The following OLFM1 variants were observed in gnomAD, a reference collection of about 807,000 sequenced individuals.
OLFM1 encodes noelin.
Under a neutral mutation model 49.7 loss-of-function variants are expected in OLFM1, and 9 were observed. That is an observed-to-expected ratio of 0.18 (90% CI 0.11 to 0.32). OLFM1 has a LOEUF of 0.32. Ranked by LOEUF, OLFM1 falls within the 10% of genes least tolerant of loss-of-function variation. The pLI is 1.00. For missense variants in OLFM1, 369 were observed against 661.8 expected, an observed-to-expected ratio of 0.56 and a Z score of 4.85; for synonymous variants, 240 against 271.8, an observed-to-expected ratio of 0.88 and a Z score of 1.15.
At position 135,119,864 on chromosome 9, in the gene OLFM1, C is replaced by T. The variant is rs751979513; in HGVS notation, c.1144C>T (p.Leu382=). The part of the protein sequence containing the change: ...QNAGNIVVSR[L]DPVSLQTLQT... The stretch of plus-strand genomic sequence containing the variant: ...CGCTGGCAACATCGTGGTCAGTAGG[C>T]TGGACCCCGTGTCCCTGCAGACCCT... Residue 382 remains leucine (L), a synonymous_variant, in exon 6 of 6, where the codon CTG becomes TTG. Transcript: ENST00000371793. 9.3e-6 allele frequency: 15 copies of T among 1,613,558 alleles called. No homozygotes were observed. Among genetic ancestry groups the T allele is most frequent in the East Asian group, 2.2e-5 (1 of 44,880 alleles).
At chr9:135,085,424 GT>G (rs1377807017), upstream of OLFM1, among the ~76,000 whole-genome samples, 2 of 152,266 alleles carry the variant, frequency 1.3e-5, no homozygotes, top group Non-Finnish European at 2.9e-5. Context: ...GAAATAGGCT[GT>G]CACCATATGA....
chr9:135,088,234 G>A lies in OLFM1; in HGVS notation c.150+95G>A, dbSNP rs2037395188. Reference sequence around the variant, plus strand: ...GCCCCGGGCTGGGCGGGCGCCGCGCGGGACCCGAGTCGCCCAGGGAGGCGG... The same window carrying A: ...GCCCCGGGCTGGGCGGGCGCCGCGCAGGACCCGAGTCGCCCAGGGAGGCGG... On this transcript the variant is annotated intron_variant, in intron 1 of 5. Transcript: ENST00000371793. This position sits in a 1 kb window ranked among gnomAD's most constrained non-coding sequence, Gnocchi z 4.8. The A allele has an allele frequency of 4.3e-5, 49 of 1,145,170 alleles. No homozygotes were observed. Among genetic ancestry groups the A allele is most frequent in the Non-Finnish European group, 5.4e-5 (49 of 914,750 alleles). 70.9% of individuals were successfully genotyped at this position (1,145,170 alleles called of 1,614,324 possible). A position where few individuals can be genotyped will look rare whatever the true frequency, so the allele number is the denominator to read the frequency against.
upstream of OLFM1, among the ~76,000 whole-genome samples, chr9:135,085,590 C>T (rs1320644272): frequency 5.3e-5 from 8 of 152,254 alleles, no homozygotes; most frequent in Non-Finnish European, 8.8e-5. Flanking sequence ...CATCAGCATC[C>T]GTATGATTGT....
intron 2 of OLFM1, among the ~76,000 whole-genome samples, chr9:135,091,691 A>ACACACAGTCTCACACATAGT (rs1554752845): frequency 0.27 from 23,799 of 86,904 alleles, 6,121 homozygotes; most frequent in East Asian, 0.48. Context: ...ATAGTCTCAC[A>ACACACAGTCTCACACATAGT]CACACACAGT....
chr9:135,095,917 C>A lies in OLFM1; in HGVS notation c.354C>A (p.Asp118Glu), dbSNP rs989636146. ...IEVLDRRTQR[D>E]LQYVEKMENQ... ...TCTTGGACAGGCGGACCCAGAGAGA[C>A]TTGCAGTACGTGGAGAAGATGGAGA... Residue 118 changes from aspartate (D) to glutamate (E), a missense_variant, in exon 3 of 6, where the codon GAC becomes GAA. By Grantham distance (45) the Asp-to-Glu change is conservative (BLOSUM62 2). This residue lies in a region of OLFM1 where 294 missense variants were observed against 567.5 expected (regional missense o/e 0.52). Transcript: ENST00000371793. The A allele has an allele frequency of 3.7e-6, 6 of 1,613,124 alleles. No homozygotes were observed. Among genetic ancestry groups the A allele is most frequent in the Admixed American group, 1.7e-5 (1 of 59,970 alleles).
At position 135,098,602 on chromosome 9, in the gene OLFM1, G is replaced by A; in HGVS notation, c.676+97G>A. 9.1e-7 allele frequency: 1 copy of A among 1,101,248 alleles called. No homozygotes were observed. Among genetic ancestry groups the A allele is most frequent in the African/African-American group, 1.5e-5 (1 of 64,552 alleles). 68.2% of individuals were successfully genotyped at this position (1,101,248 alleles called of 1,614,324 possible). ...GTGCTGAAGTGGACAGCGCCCGCCT[G>A]GCTTCGCGAGGTGATGGCTGGATTA... On this transcript the variant is annotated intron_variant, in intron 4 of 5. Transcript: ENST00000371793. The surrounding 1 kb of genome is among the most constrained non-coding windows in gnomAD (Gnocchi z 5.6).
intron 2 of OLFM1, among the ~76,000 whole-genome samples, chr9:135,091,444 TAGTCACACACACACTCACACAC>T (rs1355815787): frequency 2.1e-5 from 3 of 141,380 alleles, no homozygotes; most frequent in African/African-American, 8.7e-5. Flanking sequence ...CACTCACACA[TAGTCACACACACACTCACACAC>T]AGTCACACAC....
Position 135,113,543 on chromosome 9 carries a change from G to A in OLFM1, c.784-5961G>A, listed in dbSNP as rs376465545. Among the ~76,000 whole-genome samples, 329 of 152,310 alleles carry A rather than the reference G, an allele frequency of 2.2e-3. 1 individual carries two copies. The highest frequency in any genetic ancestry group is 3.7e-3 in the Non-Finnish European group (253 of 68,022). The stretch of plus-strand genomic sequence containing the variant: ...ACAGAGAGGGGTGGAAACTCCCCAG[G>A]TCTCGCTGGAGACTGGCGGTGGCTG... On this transcript the variant is annotated intron_variant, in intron 5 of 5. Transcript: ENST00000371793. The surrounding 1 kb of genome is among the most constrained non-coding windows in gnomAD (Gnocchi z 4.0).
rs1273591317 is a variant in OLFM1 at position 135,076,963 on chromosome 9, A to G, written c.96+1161A>G. ...CCCAGGATGTGCAGTCCAAATCCCA[A>G]TCCAGCAGTGGGGTTATGTCGTCCC... On this transcript the variant is annotated intron_variant, in intron 1 of 5. Transcript: ENST00000252854. 8 of 1,550,462 alleles carry G rather than the reference A, an allele frequency of 5.2e-6. No homozygotes were observed. The South Asian group carries it at 8.3e-5, about 16-fold the overall frequency.
chr9:135,114,442 C>T (rs916113831), intron 5 of OLFM1, among the ~76,000 whole-genome samples: 1 of 152,116 alleles, frequency 6.6e-6, no homozygotes, highest in Admixed American at 6.5e-5. Flanking sequence ...CTGCAAAGAC[C>T]TTTTTCCCAA....
intron 4 of OLFM1, among the ~76,000 whole-genome samples, chr9:135,102,987 C>G (rs1044370512): frequency 6.6e-6 from 1 of 152,242 alleles, no homozygotes; most frequent in African/African-American, 2.4e-5. Flanking sequence ...GGCAGATTGT[C>G]TCATCCGCAG....
At position 135,088,258 on chromosome 9, in the gene OLFM1, G is replaced by A; in HGVS notation, c.150+119G>A. On this transcript the variant is annotated intron_variant, in intron 1 of 5. Transcript: ENST00000371793. This position sits in a 1 kb window ranked among gnomAD's most constrained non-coding sequence, Gnocchi z 4.8. ...CGGGACCCGAGTCGCCCAGGGAGGC[G>A]GCGGGGAGCAGGGCGGGCAAGGGCA... 1 of 1,001,646 alleles carries A rather than the reference G, an allele frequency of 1.0e-6. No homozygotes were observed. Among genetic ancestry groups the A allele is most frequent in the Non-Finnish European group, 1.3e-6 (1 of 788,446 alleles). The allele number at this position is 1,001,646 out of a possible 1,614,324, so 62.0% of individuals were successfully genotyped here. A position where few individuals can be genotyped will look rare whatever the true frequency, so the allele number is the denominator to read the frequency against.
intron 5 of OLFM1, among the ~76,000 whole-genome samples, chr9:135,112,249 C>T (rs1232563040): frequency 1.3e-5 from 2 of 152,162 alleles, no homozygotes; most frequent in Admixed American, 6.5e-5. Context: ...CCAGGGGCCA[C>T]CCGCCCTGTG....
intron 2 of OLFM1, 83 bp downstream of exon 2, chr9:135,090,427 C>G: frequency 7.1e-7 from 1 of 1,408,186 alleles, no homozygotes. Flanking sequence ...TGTGCTCACA[C>G]CAGCACCAAG....
At chr9:135,077,213 G>T in intron 1 of OLFM1, 1 of 1,513,408 alleles carries the variant, frequency 6.6e-7, no homozygotes, top group Non-Finnish European at 8.9e-7. Flanking sequence ...AGCCAACCAG[G>T]TCCTGATTAG....
In OLFM1 at chr9:135,087,793, C is replaced by A; in HGVS notation, c.-197C>A. On this transcript the variant is annotated 5_prime_UTR_variant, in exon 1 of 6. Coordinates refer to ENST00000371793, the MANE Select transcript of OLFM1 (RefSeq NM_001282611.2). ...GGGCAGAGGCCACCTGGCCACCTTC[C>A]CTGGCGCCCGGGGAAGGCGCGGCGA... is the stretch of plus-strand genomic sequence containing the variant. 1 of 686,286 alleles carries A rather than the reference C, an allele frequency of 1.5e-6. No homozygotes were observed. Among genetic ancestry groups the A allele is most frequent in the South Asian group, 6.1e-5 (1 of 16,300 alleles). The allele number at this position is 686,286 out of a possible 1,614,324, so 42.5% of individuals were successfully genotyped here. A position where few individuals can be genotyped will look rare whatever the true frequency, so the allele number is the denominator to read the frequency against.
chr9:135,076,589 G>A, intron 1 of OLFM1: 1 of 1,070,634 alleles, frequency 9.3e-7, no homozygotes, highest in South Asian at 1.8e-5. Context: ...GGTTGCTTTG[G>A]CACTATGGTG....
Position 135,110,148 on chromosome 9 carries a change from T to C in OLFM1, c.783+3293T>C, listed in dbSNP as rs150439008. Reference sequence around the variant, plus strand: ...GGAGGAGGGAAGGGCTGTGTGGAGGTTGGCCAGCTCTCAACCTGATGCGTG... The same window carrying C: ...GGAGGAGGGAAGGGCTGTGTGGAGGCTGGCCAGCTCTCAACCTGATGCGTG... On this transcript the variant is annotated intron_variant, in intron 5 of 5. Coordinates refer to ENST00000371793, the MANE Select transcript of OLFM1 (RefSeq NM_001282611.2). Among the ~76,000 whole-genome samples the C allele has an allele frequency of 5.4e-3, 828 of 152,206 alleles. 7 individuals carry two copies. Among genetic ancestry groups the C allele is most frequent in the African/African-American group, 0.019 (779 of 41,544 alleles).
rs1831057849 is a variant in OLFM1, at chr9:135,113,894, C to T, written c.784-5610C>T. On this transcript the variant is annotated intron_variant, in intron 5 of 5. Coordinates refer to ENST00000371793, the MANE Select transcript of OLFM1 (RefSeq NM_001282611.2). The surrounding 1 kb of genome is among the most constrained non-coding windows in gnomAD (Gnocchi z 4.0). ...TCACCCAGTGCTGGAGGCTGGAAGC[C>T]CCAGACCAGGGCGCCTGCAGGGCTG... 6.6e-6 allele frequency among the ~76,000 whole-genome samples: 1 copy of T among 152,152 alleles called. No homozygotes were observed. The highest frequency in any genetic ancestry group is 1.5e-5 in the Non-Finnish European group (1 of 68,026).
Sources: allele counts gnomAD v4.1 joint callset (sites outside exome capture counted in the v4.1 genomes callset), GRCh38; gene constraint gnomAD v4.1.1; regional missense constraint gnomAD v4.1.1; non-coding constraint Gnocchi (gnomAD v3.1); transcripts MANE v1.5; gene names NCBI Gene and HGNC (gene_info 2026-07-23, HGNC 2026-07-21).